The following LYPLA1 variants were observed in gnomAD, a reference collection of about 807,000 sequenced individuals.
LYPLA1 encodes the protein lysophospholipase 1.
In LYPLA1, 17 loss-of-function variants were observed where a neutral mutation model predicts 34.0. The ratio of observed to expected loss-of-function variants is 0.50; its 90% CI spans 0.34 to 0.75. The LOEUF (loss-of-function observed/expected upper bound fraction) is 0.75. Ranked by LOEUF, LYPLA1 falls within the 30% of genes least tolerant of loss-of-function variation. The pLI is 0.01. For missense variants in LYPLA1, 203 were observed against 288.8 expected (o/e 0.70, Z 2.15); for synonymous variants, 98 against 100.8 (o/e 0.97, Z 0.17).
intron 5 of LYPLA1, among the ~76,000 whole-genome samples, chr8:54,057,632 C>T: frequency 6.6e-6 from 1 of 151,950 alleles, no homozygotes; most frequent in Admixed American, 6.6e-5. Flanking sequence ...CAGACACAGA[C>T]AGTAGTAGAA....
chr8:54,083,645 G>A (rs1808474774), intron 2 of LYPLA1, among the ~76,000 whole-genome samples: 1 of 152,140 alleles, frequency 6.6e-6, no homozygotes, highest in African/African-American at 2.4e-5. Context: ...GTAAACAAAA[G>A]GATGTGGTTC....
In LYPLA1 at chr8:54,053,567, A is replaced by G. The variant is rs199881889; in HGVS notation, c.361-811T>C. The G allele has an allele frequency of 1.9e-3, 877 of 456,162 alleles. 4 individuals carry two copies. The highest frequency in any genetic ancestry group is 3.2e-3 in the Non-Finnish European group (718 of 226,924). 28.3% of individuals were successfully genotyped at this position (456,162 alleles called of 1,614,324 possible). On this transcript the variant is annotated intron_variant, in intron 6 of 8. Coordinates refer to ENST00000316963, the MANE Select transcript of LYPLA1 (RefSeq NM_006330.4). The stretch of plus-strand genomic sequence containing the variant: ...CCATGCCCATGGGTTACTGCAACAC[A>G]TGAGTACACGAGAGCCTTTCACATC...
intron 6 of LYPLA1, 157 bp from the exon 7 acceptor site, chr8:54,052,913 C>A: frequency 1.7e-6 from 1 of 587,446 alleles, no homozygotes; most frequent in Non-Finnish European, 3.1e-6. Context: ...CACACCCCAC[C>A]GTGTCCTAAA....
rs1400696511 is a variant in LYPLA1 at position 54,081,379 on chromosome 8, G to A, written c.102-15566C>T. ...ACACAGTTTTTGGCCAGCAGCTCTC[G>A]TCCAATGAAAGAGCTCAAGAAAATG... On this transcript the variant is annotated intron_variant, in intron 2 of 8. Transcript: ENST00000316963. Among the ~76,000 whole-genome samples the A allele has an allele frequency of 4.6e-5, 7 of 151,712 alleles. No homozygotes were observed. The South Asian group carries it at 1.0e-3, about 23-fold the overall frequency.
chr8:54,085,136 A>G (rs559588303), intron 2 of LYPLA1, among the ~76,000 whole-genome samples: 1 of 152,338 alleles, frequency 6.6e-6, no homozygotes, highest in East Asian at 1.9e-4. Flanking sequence ...GAAGGCGCGC[A>G]CTGCCACGCC....
chr8:54,081,443 AAAC>A (rs1808313012), intron 2 of LYPLA1, among the ~76,000 whole-genome samples: 1 of 151,908 alleles, frequency 6.6e-6, no homozygotes, highest in African/African-American at 2.4e-5. Context: ...AAGAAAAAAA[AAAC>A]AACTGGAAGA....
intron 2 of LYPLA1, among the ~76,000 whole-genome samples, chr8:54,078,776 G>A (rs895374915): frequency 6.6e-6 from 1 of 151,994 alleles, no homozygotes; most frequent in African/African-American, 2.4e-5. Flanking sequence ...AGATTCTGTA[G>A]ATAGAAACAC....
chr8:54,044,140 G>A (rs1040751207), downstream of LYPLA1, among the ~76,000 whole-genome samples: 8 of 151,944 alleles, frequency 5.3e-5, no homozygotes, highest in South Asian at 2.1e-4. Flanking sequence ...TGATCCACTC[G>A]CCTCAGCCTC....
At position 54,048,127 on chromosome 8, in the gene LYPLA1, A is replaced by C. The variant is rs570841619; in HGVS notation, c.640-9T>G. ...TTGACATCCATCATTTCCTGTTTGG[A>C]ATAAAGTAATTTAATAGGTAGGTAG... is the stretch of plus-strand genomic sequence containing the variant. On this transcript the variant is annotated splice_polypyrimidine_tract_variant and intron_variant, in intron 8 of 8. Transcript: ENST00000316963. 5 of 1,585,376 alleles carry C rather than the reference A, an allele frequency of 3.2e-6. No individual in the cohort carries two copies. In the East Asian group the frequency reaches 8.9e-5, roughly 28 times the overall value.
intron 2 of LYPLA1, among the ~76,000 whole-genome samples, chr8:54,082,320 T>C (rs1808383761): frequency 6.6e-6 from 1 of 152,236 alleles, no homozygotes; most frequent in South Asian, 2.1e-4. Context: ...CACCATAGTA[T>C]GTTTTATTCC....
At chr8:54,060,400 C>T (rs1303316385) in intron 5 of LYPLA1, among the ~76,000 whole-genome samples, 1 of 152,140 alleles carries the variant, frequency 6.6e-6, no homozygotes, top group African/African-American at 2.4e-5. Context: ...GCTGGGATTA[C>T]AGGTGTGAGC....
At chr8:54,048,614 T>C (rs1360040317) in intron 8 of LYPLA1, among the ~76,000 whole-genome samples, 1 of 152,192 alleles carries the variant, frequency 6.6e-6, no homozygotes, top group Non-Finnish European at 1.5e-5. Flanking sequence ...TGAACATTAA[T>C]ATACCAAAGA....
At chr8:54,073,668 AT>A (rs1371656747) in intron 2 of LYPLA1, 11 of 398,298 alleles carry the variant, frequency 2.8e-5, no homozygotes, top group Non-Finnish European at 4.6e-5. Flanking sequence ...AAAGATGACC[AT>A]TTGTTAGTTG....
intron 2 of LYPLA1, among the ~76,000 whole-genome samples, chr8:54,083,428 G>A (rs1434954063): frequency 6.6e-6 from 1 of 152,084 alleles, no homozygotes; most frequent in Admixed American, 6.6e-5. Flanking sequence ...AACTTATAAT[G>A]GCTAAATTTA....
intron 2 of LYPLA1, among the ~76,000 whole-genome samples, chr8:54,082,001 A>T (rs1808359908): frequency 6.6e-6 from 1 of 152,204 alleles, no homozygotes; most frequent in Admixed American, 6.5e-5. Flanking sequence ...AAGTGCTGAG[A>T]TTACAGGCAT....
At chr8:54,101,403 T>G (rs1317262863) in intron 1 of LYPLA1, 1 of 1,058,774 alleles carries the variant, frequency 9.4e-7, no homozygotes, top group Admixed American at 5.5e-5. Context: ...GAGTGCGAGG[T>G]GACAATAAGG....
intron 5 of LYPLA1, among the ~76,000 whole-genome samples, chr8:54,060,775 C>T (rs972526454): frequency 6.6e-6 from 1 of 151,012 alleles, no homozygotes; most frequent in Non-Finnish European, 1.5e-5. Context: ...TCACTGCAAC[C>T]TCCACCTACT....
chr8:54,043,576 A>T (rs1478557556), downstream of LYPLA1, among the ~76,000 whole-genome samples: 1 of 149,136 alleles, frequency 6.7e-6, no homozygotes, highest in Non-Finnish European at 1.5e-5. Flanking sequence ...ACCTGACCCT[A>T]TTTATTTTTT....
intron 2 of LYPLA1, among the ~76,000 whole-genome samples, chr8:54,091,443 C>A (rs1271801149): frequency 6.6e-6 from 1 of 150,704 alleles, no homozygotes; most frequent in Non-Finnish European, 1.5e-5. Flanking sequence ...GCCGAGATCA[C>A]GCCACTGCAC....
Sources: gnomAD v4.1 joint callset for allele counts (sites outside exome capture counted in the v4.1 genomes callset) on GRCh38, gnomAD v4.1.1 for gene constraint, MANE v1.5 for transcripts, NCBI Gene and HGNC (gene_info 2026-07-23, HGNC 2026-07-21) for gene names.